The following SLC24A3 variants were observed in gnomAD, a reference collection of about 807,000 sequenced individuals.
SLC24A3 encodes the protein solute carrier family 24 member 3, also known as sodium/potassium/calcium exchanger 3.
Under a neutral mutation model 75.8 loss-of-function variants are expected in SLC24A3, and 28 were observed. The observed-to-expected ratio is 0.37, with a 90% CI of 0.27 to 0.51. SLC24A3 has a LOEUF of 0.51. Ranked by LOEUF, SLC24A3 falls within the 20% of genes least tolerant of loss-of-function variation. The pLI is 0.94. For missense variants in SLC24A3, 663 were observed against 847.8 expected, an observed-to-expected ratio of 0.78 and a Z score of 2.71; for synonymous variants, 372 against 334.1, an observed-to-expected ratio of 1.11 and a Z score of -1.24.
intron 2 of SLC24A3, among the ~76,000 whole-genome samples, chr20:19,406,770 A>G (rs1249069648): frequency 6.6e-6 from 1 of 152,220 alleles, no homozygotes; most frequent in Non-Finnish European, 1.5e-5. Context: ...CACCCCAACT[A>G]GAATGAGACA....
intron 6 of SLC24A3, among the ~76,000 whole-genome samples, chr20:19,646,851 G>GTGTGTGTGT (rs1491447013): frequency 1.3e-5 from 2 of 148,658 alleles, no homozygotes; most frequent in Admixed American, 6.7e-5. Flanking sequence ...CTGTGTGTGT[G>GTGTGTGTGT]CGTGTGTGTG....
chr20:19,254,222 A>C (rs922086159), intron 1 of SLC24A3, among the ~76,000 whole-genome samples: 1 of 142,676 alleles, frequency 7.0e-6, no homozygotes, highest in Admixed American at 7.6e-5. Context: ...GCGGCCATCT[A>C]CTCCCGACCC....
intron 6 of SLC24A3, among the ~76,000 whole-genome samples, chr20:19,595,181 G>A (rs1349648644): frequency 1.3e-5 from 2 of 152,178 alleles, no homozygotes; most frequent in Admixed American, 1.3e-4. Context: ...TGGCAACAGT[G>A]AAATGCATGA....
At chr20:19,619,340 G>A (rs1310548326) in intron 6 of SLC24A3, among the ~76,000 whole-genome samples, 1 of 152,134 alleles carries the variant, frequency 6.6e-6, no homozygotes, top group Non-Finnish European at 1.5e-5. Flanking sequence ...GACCATACAT[G>A]GAGAGAGATG....
intron 6 of SLC24A3, among the ~76,000 whole-genome samples, chr20:19,616,171 G>T (rs932545401): frequency 1.3e-5 from 2 of 152,190 alleles, no homozygotes; most frequent in Non-Finnish European, 2.9e-5. Context: ...GTTCATCCTG[G>T]AACCAAACTG....
At chr20:19,609,734 G>T (rs987569791) in intron 6 of SLC24A3, among the ~76,000 whole-genome samples, 7 of 152,136 alleles carry the variant, frequency 4.6e-5, no homozygotes, top group Non-Finnish European at 1.0e-4. Flanking sequence ...TCCCATTTCA[G>T]GTAGTTTACC....
At chr20:19,333,027 G>A (rs190349139) in intron 2 of SLC24A3, among the ~76,000 whole-genome samples, 4 of 152,298 alleles carry the variant, frequency 2.6e-5, no homozygotes, top group Admixed American at 6.5e-5. Context: ...GGCTAATAGA[G>A]GGCTGTTTTG....
intron 3 of SLC24A3, among the ~76,000 whole-genome samples, chr20:19,554,626 A>G (rs567155856): frequency 6.6e-6 from 1 of 152,342 alleles, no homozygotes; most frequent in South Asian, 2.1e-4. Flanking sequence ...AAACCATGCA[A>G]AGCCTCTAAT....
chr20:19,511,743 G>A (rs2029890245), intron 2 of SLC24A3, among the ~76,000 whole-genome samples: 1 of 152,186 alleles, frequency 6.6e-6, no homozygotes, highest in African/African-American at 2.4e-5. Context: ...CTGTGCATGA[G>A]TCCTTTGAAA....
chr20:19,464,477 C>T (rs534147501), intron 2 of SLC24A3, among the ~76,000 whole-genome samples: 55 of 152,308 alleles, frequency 3.6e-4, no homozygotes, highest in African/African-American at 1.3e-3. Flanking sequence ...AAGCCAGGAC[C>T]GAAGAGAGAG....
chr20:19,548,692 A>T (rs1025902097), intron 3 of SLC24A3, among the ~76,000 whole-genome samples: 1 of 152,014 alleles, frequency 6.6e-6, no homozygotes, highest in Admixed American at 6.6e-5. Context: ...TCTTTTGAGG[A>T]CTCCCCTGAC....
chr20:19,528,935 A>G (rs375588795), intron 3 of SLC24A3, among the ~76,000 whole-genome samples: 33 of 152,258 alleles, frequency 2.2e-4, no homozygotes, highest in African/African-American at 7.5e-4. Context: ...TTGGTTTTTC[A>G]GAATTAGTTT....
intron 3 of SLC24A3, among the ~76,000 whole-genome samples, chr20:19,524,849 C>CTA (rs2030169023): frequency 1.3e-5 from 2 of 152,084 alleles, no homozygotes; most frequent in South Asian, 4.1e-4. Flanking sequence ...TAATGAGGTA[C>CTA]TACTATTTGG....
At chr20:19,595,216 A>AT (rs2031436628) in intron 6 of SLC24A3, among the ~76,000 whole-genome samples, 2 of 152,120 alleles carry the variant, frequency 1.3e-5, no homozygotes, top group Non-Finnish European at 2.9e-5. Context: ...CACATCACGC[A>AT]TTTTTTCTGC....
chr20:19,721,900 G>A lies in SLC24A3; in HGVS notation c.*760G>A, dbSNP rs573273454. ...GTCTTATGGGCGTCCCCTGGGGTTGGGGGGGCACAAGGTTTTGGAGGAAGA... is the reference window on the plus strand; with the variant it reads ...GTCTTATGGGCGTCCCCTGGGGTTGAGGGGGCACAAGGTTTTGGAGGAAGA... On this transcript the variant is annotated 3_prime_UTR_variant, in exon 17 of 17. Coordinates refer to ENST00000328041, the MANE Select transcript of SLC24A3 (RefSeq NM_020689.4). 1 of 152,742 alleles carries A rather than the reference G, an allele frequency of 6.5e-6. No individual in the cohort carries two copies. The highest frequency in any genetic ancestry group is 6.5e-5 in the Admixed American group (1 of 15,294). The allele number at this position is 152,742 out of a possible 1,614,324, so 9.5% of individuals were successfully genotyped here.
intron 3 of SLC24A3, among the ~76,000 whole-genome samples, chr20:19,562,526 A>G (rs2030890441): frequency 6.6e-6 from 1 of 152,222 alleles, no homozygotes; most frequent in African/African-American, 2.4e-5. Context: ...GAGGTTTTGA[A>G]CTTCCTAGTT....
intron 3 of SLC24A3, among the ~76,000 whole-genome samples, chr20:19,526,925 T>C (rs1600266678): frequency 6.6e-6 from 1 of 152,150 alleles, no homozygotes; most frequent in African/African-American, 2.4e-5. Flanking sequence ...TTGTTGGCCA[T>C]TGTCGTTATT....
At chr20:19,275,737 C>T (rs1415348876) in intron 1 of SLC24A3, among the ~76,000 whole-genome samples, 3 of 152,154 alleles carry the variant, frequency 2.0e-5, no homozygotes, top group Non-Finnish European at 4.4e-5. Flanking sequence ...TTGTGTCCTT[C>T]CTTAGTGCAT....
intron 2 of SLC24A3, among the ~76,000 whole-genome samples, chr20:19,468,461 T>C (rs1174721459): frequency 2.0e-5 from 3 of 152,004 alleles, no homozygotes; most frequent in East Asian, 2.0e-4. Context: ...GGAGAGAGTA[T>C]GGGTATAGAG....
Sources: gnomAD v4.1 joint callset for allele counts (sites outside exome capture counted in the v4.1 genomes callset) on GRCh38, gnomAD v4.1.1 for gene constraint, MANE v1.5 for transcripts, NCBI Gene and HGNC (gene_info 2026-07-23, HGNC 2026-07-21) for gene names.